Variants in HIF1A observed in about 807,000 individuals in gnomAD.
HIF1A encodes hypoxia inducible factor 1 subunit alpha.
Under a neutral mutation model 92.7 loss-of-function variants are expected in HIF1A, and 24 were observed. The observed-to-expected ratio is 0.26, with a 90% CI of 0.19 to 0.36. HIF1A has a LOEUF of 0.36. Among genes scored for constraint, HIF1A ranks in the 10% least tolerant of loss-of-function variants. The probability of loss-of-function intolerance (pLI) is 1.00; values close to 1 mark genes in which losing one functional copy is unlikely to be tolerated. For missense variants in HIF1A, 799 were observed against 998.5 expected, an observed-to-expected ratio of 0.80 and a Z score of 2.69; for synonymous variants, 319 against 338.7, an observed-to-expected ratio of 0.94 and a Z score of 0.64.
At chr14:61,698,204 T>C (rs112395860) in intron 1 of HIF1A, among the ~76,000 whole-genome samples, 2,006 of 152,330 alleles carry the variant, frequency 0.013, 51 homozygotes, top group African/African-American at 0.045. Context: ...ACTTTGGCCA[T>C]TAAAAGTCAA....
chr14:61,740,650 T>C, intron 11 of HIF1A, 23 bp downstream of exon 11: 2 of 1,566,364 alleles, frequency 1.3e-6, no homozygotes, highest in African/African-American at 2.8e-5. Flanking sequence ...ATTTGTTTTA[T>C]ATTAAATTTC....
intron 6 of HIF1A, 78 bp downstream of exon 6, chr14:61,727,733 T>A: frequency 9.0e-7 from 1 of 1,109,654 alleles, no homozygotes. Context: ...TAGCAAAGAT[T>A]CAGCGCTGGC....
At chr14:61,729,700 G>A (rs867090244) in intron 6 of HIF1A, among the ~76,000 whole-genome samples, 1 of 151,922 alleles carries the variant, frequency 6.6e-6, no homozygotes, top group African/African-American at 2.4e-5. Flanking sequence ...GAAAACTTAA[G>A]GTAACAAAGT....
Position 61,741,080 on chromosome 14 carries a change from C to T in HIF1A, c.1985C>T (p.Thr662Ile), listed in dbSNP as rs780456004. 1.9e-6 allele frequency: 3 copies of T among 1,613,812 alleles called. No homozygotes were observed. The highest frequency in any genetic ancestry group is 2.5e-6 in the Non-Finnish European group (3 of 1,179,794). ...GCCACATCATCACCATATAGAGATA[C>T]TCAAAGTCGGACAGCCTCACCAAAC... is the stretch of plus-strand genomic sequence containing the variant. ...TSATSSPYRD[T>I]QSRTASPNRA... Residue 662 changes from threonine (T) to isoleucine (I), a missense_variant, in exon 12 of 15, where the codon ACT becomes ATT. Coordinates refer to ENST00000337138, the MANE Select transcript of HIF1A (RefSeq NM_001530.4).
chr14:61,734,686 GTC>G (rs1039254127), intron 8 of HIF1A, among the ~76,000 whole-genome samples: 1 of 150,760 alleles, frequency 6.6e-6, no homozygotes, highest in African/African-American at 2.5e-5. Context: ...CCTTGGGGAA[GTC>G]TCTTCATTTT....
intron 14 of HIF1A, 83 bp from the exon 15 acceptor site, chr14:61,746,851 A>G (rs1484132867): frequency 1.5e-5 from 17 of 1,124,274 alleles, no homozygotes; most frequent in Non-Finnish European, 2.0e-5. Flanking sequence ...TTTATTTTCT[A>G]TGATACCTAA....
At chr14:61,730,085 A>G (rs17099146) in intron 6 of HIF1A, among the ~76,000 whole-genome samples, 2,197 of 152,274 alleles carry the variant, frequency 0.014, 52 homozygotes, top group African/African-American at 0.05. Context: ...AGCATCTACT[A>G]TGTTCATGGC....
At chr14:61,725,078 A>T (rs535338665) in intron 4 of HIF1A, among the ~76,000 whole-genome samples, 17 of 152,212 alleles carry the variant, frequency 1.1e-4, no homozygotes, top group African/African-American at 4.1e-4. Context: ...TTCTCCTTGG[A>T]ATACCCTTCT....
chr14:61,729,955 T>A (rs1008086987), intron 6 of HIF1A, among the ~76,000 whole-genome samples: 1 of 152,026 alleles, frequency 6.6e-6, no homozygotes, highest in Non-Finnish European at 1.5e-5. Context: ...ATGGAAAAAA[T>A]TTTGCTCAAT....
chr14:61,729,899 C>G (rs72714570), intron 6 of HIF1A, among the ~76,000 whole-genome samples: 6,459 of 152,164 alleles, frequency 0.042, 170 homozygotes, highest in East Asian at 0.15. Context: ...TGGTTTAGAG[C>G]TCTTTCCAGG....
intron 12 of HIF1A, among the ~76,000 whole-genome samples, chr14:61,743,554 A>G (rs1232476105): frequency 3.9e-5 from 6 of 152,150 alleles, no homozygotes; most frequent in African/African-American, 1.4e-4. Flanking sequence ...AAGAATTTTT[A>G]AACTTCCCTG....
chr14:61,721,438 A>G, intron 2 of HIF1A, 71 bp from the exon 3 acceptor site: 1 of 1,323,994 alleles, frequency 7.6e-7, no homozygotes, highest in Non-Finnish European at 1.1e-6. Context: ...CTTTGTAAAA[A>G]CATCTAAATA....
intron 6 of HIF1A, among the ~76,000 whole-genome samples, chr14:61,730,449 TC>T (rs1489179123): frequency 6.6e-6 from 1 of 152,176 alleles, no homozygotes; most frequent in Non-Finnish European, 1.5e-5. Flanking sequence ...ATTAATCTGA[TC>T]CCCCTACCTA....
chr14:61,712,104 T>C (rs2044314760), intron 1 of HIF1A, among the ~76,000 whole-genome samples: 1 of 152,130 alleles, frequency 6.6e-6, no homozygotes, highest in Non-Finnish European at 1.5e-5. Flanking sequence ...TAGGCTTTCA[T>C]AAAAATACAG....
chr14:61,723,051 A>G (rs2044452687), intron 4 of HIF1A, among the ~76,000 whole-genome samples: 1 of 152,188 alleles, frequency 6.6e-6, no homozygotes, highest in Admixed American at 6.5e-5. Flanking sequence ...TTTCTTCATG[A>G]TGGAAAGTTA....
intron 8 of HIF1A, among the ~76,000 whole-genome samples, chr14:61,734,997 T>C (rs776264254): frequency 6.6e-6 from 1 of 152,238 alleles, no homozygotes; most frequent in Non-Finnish European, 1.5e-5. Flanking sequence ...TTCACTTAGC[T>C]CTTTGGCTTG....
intron 12 of HIF1A, 55 bp from the exon 13 acceptor site, chr14:61,744,650 C>T (rs570292010): frequency 1.4e-6 from 1 of 701,970 alleles, no homozygotes; most frequent in Non-Finnish European, 2.5e-6. Context: ...AAAGCGCTCA[C>T]TGGATATTTT....
rs192516419 is a variant in HIF1A, at chr14:61,712,593, C to T, written c.36-7789C>T. ...CTGTAACTTATATCTAGTATGCTTG[C>T]TTATACTTGAAAATGCATATCCAGA... On this transcript the variant is annotated intron_variant, in intron 1 of 14. Coordinates refer to ENST00000337138, the MANE Select transcript of HIF1A (RefSeq NM_001530.4). 3.6e-4 allele frequency among the ~76,000 whole-genome samples: 52 copies of T among 146,048 alleles called. No homozygotes were observed. In the East Asian group the frequency reaches 6.2e-3, roughly 17 times the overall value.
At position 61,747,966 on chromosome 14, in the gene HIF1A, A is replaced by C. The variant is rs1176055068; in HGVS notation, c.*881A>C. 1 of 152,582 alleles carries C rather than the reference A, an allele frequency of 6.6e-6. No individual in the cohort carries two copies. The highest frequency in any genetic ancestry group is 1.9e-4 in the East Asian group (1 of 5,200). 9.5% of individuals were successfully genotyped at this position (152,582 alleles called of 1,614,324 possible). A position where few individuals can be genotyped will look rare whatever the true frequency, so the allele number is the denominator to read the frequency against. On this transcript the variant is annotated 3_prime_UTR_variant, in exon 15 of 15. Transcript: ENST00000337138. The stretch of plus-strand genomic sequence containing the variant: ...AAGATATTTTGAGCAGACTGTAAAC[A>C]AGAAAAAAAAAATCATGCATTCTTA...
Sources: gnomAD v4.1 joint callset for allele counts (sites outside exome capture counted in the v4.1 genomes callset) on GRCh38, gnomAD v4.1.1 for gene constraint, MANE v1.5 for transcripts, NCBI Gene and HGNC (gene_info 2026-07-23, HGNC 2026-07-21) for gene names.